EPB41L4A: variants seen among roughly 807,000 people sequenced by gnomAD.
The protein encoded by EPB41L4A is band 4.1-like protein 4A.
EPB41L4A carries 100 observed loss-of-function variants against 108.6 expected under a neutral mutation model. The observed-to-expected ratio is 0.92, with a 90% CI of 0.78 to 1.09. The LOEUF (loss-of-function observed/expected upper bound fraction) is 1.09. Among genes scored for constraint, EPB41L4A ranks in the 50% least tolerant of loss-of-function variants. EPB41L4A has a pLI of 0.00. For synonymous variants in EPB41L4A, 319 were observed against 289.0 expected (o/e 1.10, Z -1.05); for missense variants, 1,030 against 842.7 (o/e 1.22, Z -2.75).
rs74556842 is a variant in EPB41L4A, at chr5:112,256,556, G to A, written c.795+2673C>T. 5.3e-4 allele frequency among the ~76,000 whole-genome samples: 81 copies of A among 151,950 alleles called. No homozygotes were observed. In the East Asian group the frequency reaches 0.015, roughly 29 times the overall value. On this transcript the variant is annotated intron_variant, in intron 9 of 22. Transcript: ENST00000261486. ...TTCTCCTATCAAAAACCAGTTAGAA[G>A]AGATAATAGAAAGAAAAGATTGCAT...
At chr5:112,324,065 T>C (rs1755984794) in intron 1 of EPB41L4A, among the ~76,000 whole-genome samples, 1 of 152,132 alleles carries the variant, frequency 6.6e-6, no homozygotes, top group East Asian at 1.9e-4. Flanking sequence ...TATGCTCTAA[T>C]AGACAGAGTT....
chr5:112,359,223 CAT>C lies in EPB41L4A; in HGVS notation c.100-51735_100-51734del, dbSNP rs200194708. Among the ~76,000 whole-genome samples, 612 of 152,300 alleles carry C rather than the reference CAT, an allele frequency of 4.0e-3. 3 individuals are homozygous for C. The highest frequency in any genetic ancestry group is 0.016 in the Admixed American group (252 of 15,306). On this transcript the variant is annotated intron_variant, in intron 1 of 22. Coordinates refer to ENST00000261486, the MANE Select transcript of EPB41L4A (RefSeq NM_022140.5). ...CTGAAAGATATTATGTATATGTACA[CAT>C]GTCTTAGAAGAGAATCCAGGGGTGT...
At chr5:112,402,089 A>C (rs1260698939) in intron 1 of EPB41L4A, among the ~76,000 whole-genome samples, 1 of 152,154 alleles carries the variant, frequency 6.6e-6, no homozygotes, top group African/African-American at 2.4e-5. Flanking sequence ...TGTAATCCCC[A>C]GTGTTGGAGG....
At chr5:112,372,189 A>G (rs1759536842) in intron 1 of EPB41L4A, among the ~76,000 whole-genome samples, 1 of 152,232 alleles carries the variant, frequency 6.6e-6, no homozygotes, top group Admixed American at 6.5e-5. Context: ...CATGGCTAGG[A>G]AGCCCTCAGG....
At chr5:112,171,925 TC>T (rs201357886) in intron 18 of EPB41L4A, among the ~76,000 whole-genome samples, 9,199 of 152,220 alleles carry the variant, frequency 0.06, 925 homozygotes, top group African/African-American at 0.21. Flanking sequence ...TTTGGGGGGC[TC>T]AATAATGCTT....
intron 12 of EPB41L4A, among the ~76,000 whole-genome samples, chr5:112,225,860 T>C (rs1748412669): frequency 6.6e-6 from 1 of 152,244 alleles, no homozygotes; most frequent in African/African-American, 2.4e-5. Context: ...TGACCTGTGT[T>C]CATATCTCAG....
At chr5:112,279,265 T>C (rs2150503329) in intron 3 of EPB41L4A, among the ~76,000 whole-genome samples, 1 of 152,186 alleles carries the variant, frequency 6.6e-6, no homozygotes, top group South Asian at 2.1e-4. Flanking sequence ...CAGTCCAGGT[T>C]TCCAGTTCCT....
At chr5:112,158,481 C>T (rs1347452067), downstream of EPB41L4A, 1 of 367,104 alleles carries the variant, frequency 2.7e-6, no homozygotes, top group East Asian at 8.4e-5. Flanking sequence ...TAAACTAAAC[C>T]TATATATGCT....
At chr5:112,288,831 C>CTTT (rs543886138) in intron 2 of EPB41L4A, among the ~76,000 whole-genome samples, 2 of 143,460 alleles carry the variant, frequency 1.4e-5, no homozygotes, top group African/African-American at 5.1e-5. Context: ...GATGATATAT[C>CTTT]TTTTTTTTTT....
chr5:112,178,335 AACAG>A (rs1760975297), intron 18 of EPB41L4A, among the ~76,000 whole-genome samples: 2 of 152,152 alleles, frequency 1.3e-5, no homozygotes, highest in African/African-American at 2.4e-5. Context: ...TAAAGGAAAA[AACAG>A]ACAAATTGAC....
At chr5:112,234,064 ATCC>A (rs1368221565) in intron 12 of EPB41L4A, among the ~76,000 whole-genome samples, 48 of 151,850 alleles carry the variant, frequency 3.2e-4, no homozygotes, top group Non-Finnish European at 2.6e-4. Context: ...CATGCCTGTA[ATCC>A]TAGCACTTTG....
intron 21 of EPB41L4A, 66 bp from the exon 22 acceptor site, chr5:112,168,886 G>A (rs1429774746): frequency 2.0e-6 from 3 of 1,509,528 alleles, no homozygotes; most frequent in African/African-American, 2.8e-5. Flanking sequence ...TAAGTTGGAA[G>A]AGAACTACAG....
chr5:112,329,583 G>T (rs982060896), intron 1 of EPB41L4A, among the ~76,000 whole-genome samples: 1 of 152,166 alleles, frequency 6.6e-6, no homozygotes, highest in Admixed American at 6.5e-5. Flanking sequence ...TGAAGATGCT[G>T]AGACTCCACA....
chr5:112,189,951 T>C (rs1001206710), intron 17 of EPB41L4A, among the ~76,000 whole-genome samples: 2 of 152,146 alleles, frequency 1.3e-5, no homozygotes, highest in African/African-American at 4.8e-5. Flanking sequence ...TAAGTCTACT[T>C]GCGAGGTCCT....
chr5:112,399,828 C>G (rs1001499387), intron 1 of EPB41L4A, among the ~76,000 whole-genome samples: 1 of 152,210 alleles, frequency 6.6e-6, no homozygotes, highest in South Asian at 2.1e-4. Context: ...GCCCACTGAC[C>G]TAGGAGCTCC....
intron 1 of EPB41L4A, among the ~76,000 whole-genome samples, chr5:112,406,797 C>T (rs1031278277): frequency 6.6e-6 from 1 of 152,092 alleles, no homozygotes; most frequent in Non-Finnish European, 1.5e-5. Flanking sequence ...AAAAAAAGAA[C>T]CAAGAGAAAA....
intron 1 of EPB41L4A, among the ~76,000 whole-genome samples, chr5:112,376,518 T>C (rs1441391026): frequency 6.6e-6 from 1 of 152,236 alleles, no homozygotes; most frequent in Non-Finnish European, 1.5e-5. Flanking sequence ...AACCCAGCTT[T>C]TGCTCTCTTT....
intron 1 of EPB41L4A, among the ~76,000 whole-genome samples, chr5:112,380,161 C>G (rs6860402): frequency 0.021 from 3,253 of 152,184 alleles, 126 homozygotes; most frequent in African/African-American, 0.067. Context: ...CAGGAGCAGT[C>G]AGAGGGTCAG....
At chr5:112,294,665 G>T (rs1753879318) in intron 2 of EPB41L4A, among the ~76,000 whole-genome samples, 1 of 151,954 alleles carries the variant, frequency 6.6e-6, no homozygotes, top group Admixed American at 6.6e-5. Flanking sequence ...GGGTGTTCAG[G>T]CAGGGGAGGC....
Sources: allele counts gnomAD v4.1 joint callset (sites outside exome capture counted in the v4.1 genomes callset), GRCh38; gene constraint gnomAD v4.1.1; transcripts MANE v1.5; gene names NCBI Gene and HGNC (gene_info 2026-07-23, HGNC 2026-07-21).